ALCAM: variants seen among roughly 807,000 people sequenced by gnomAD.
ALCAM encodes activated leukocyte cell adhesion molecule.
In ALCAM, 30 loss-of-function variants were observed where a neutral mutation model predicts 70.9. The ratio of observed to expected loss-of-function variants is 0.42; its 90% confidence interval spans 0.32 to 0.57. The LOEUF is 0.57. ALCAM is among the 20% of genes least tolerant of loss of function. The probability of loss-of-function intolerance (pLI) is 0.11; values close to 1 mark genes in which losing one functional copy is unlikely to be tolerated. For synonymous variants in ALCAM, 249 were observed against 242.5 expected (o/e 1.03, Z -0.25); for missense variants, 591 against 695.1 (o/e 0.85, Z 1.68).
In ALCAM at chr3:105,522,730, A is replaced by T. The variant is rs564108851; in HGVS notation, c.175-1559A>T. 2.5e-4 allele frequency among the ~76,000 whole-genome samples: 38 copies of T among 152,310 alleles called. No homozygotes were observed. The South Asian group carries it at 7.9e-3, about 32-fold the overall frequency. On this transcript the variant is annotated intron_variant, in intron 2 of 15. Transcript: ENST00000306107. The stretch of plus-strand genomic sequence containing the variant: ...GCTCTGCTAAGATTTCCCAGCCAAG[A>T]CCTTGGAAAGTTACTTAACCAAACT...
intron 1 of ALCAM, among the ~76,000 whole-genome samples, chr3:105,514,404 T>C (rs1038048223): frequency 2.0e-5 from 3 of 151,896 alleles, no homozygotes; most frequent in Non-Finnish European, 2.9e-5. Context: ...CTGTGACGTA[T>C]CCAGCCCCAT....
chr3:105,511,142 T>G (rs1939224798), intron 1 of ALCAM, among the ~76,000 whole-genome samples: 1 of 152,020 alleles, frequency 6.6e-6, no homozygotes, highest in African/African-American at 2.4e-5. Flanking sequence ...TGAAAAGTTA[T>G]TGTTAAAATA....
At chr3:105,521,054 C>A (rs964529909) in intron 2 of ALCAM, among the ~76,000 whole-genome samples, 1 of 152,002 alleles carries the variant, frequency 6.6e-6, no homozygotes, top group African/African-American at 2.4e-5. Flanking sequence ...GTAATCCCAG[C>A]ACTTTGGGAG....
intron 11 of ALCAM, among the ~76,000 whole-genome samples, chr3:105,547,817 T>A (rs1940289768): frequency 6.6e-6 from 1 of 151,484 alleles, no homozygotes; most frequent in African/African-American, 2.4e-5. Context: ...TAGGTATTAC[T>A]TCATGATCAT....
intron 1 of ALCAM, among the ~76,000 whole-genome samples, chr3:105,378,338 A>G (rs1935428940): frequency 6.6e-6 from 1 of 152,016 alleles, no homozygotes; most frequent in African/African-American, 2.4e-5. Context: ...TAATGAGTAA[A>G]GCAGTTTCTG....
At chr3:105,376,272 T>C (rs1449190196) in intron 1 of ALCAM, among the ~76,000 whole-genome samples, 1 of 152,272 alleles carries the variant, frequency 6.6e-6, no homozygotes, top group South Asian at 2.1e-4. Context: ...CTGAAATAAA[T>C]GAAACCACAG....
At chr3:105,548,678 T>C (rs567562765) in intron 11 of ALCAM, among the ~76,000 whole-genome samples, 1 of 151,298 alleles carries the variant, frequency 6.6e-6, no homozygotes, top group Non-Finnish European at 1.5e-5. Flanking sequence ...ACTCCTGATT[T>C]GGTTAAGTGT....
At chr3:105,557,885 A>C (rs1057372152) in intron 14 of ALCAM, among the ~76,000 whole-genome samples, 9 of 152,182 alleles carry the variant, frequency 5.9e-5, no homozygotes, top group African/African-American at 2.2e-4. Flanking sequence ...GTAGAGTCTT[A>C]GAAATTCTAA....
intron 1 of ALCAM, among the ~76,000 whole-genome samples, chr3:105,409,976 C>A (rs1473307608): frequency 1.2e-4 from 18 of 152,044 alleles, no homozygotes; most frequent in Admixed American, 1.1e-3. Context: ...CAACTGATGA[C>A]CCCAGCGTTG....
chr3:105,511,907 T>C (rs1939249317), intron 1 of ALCAM, among the ~76,000 whole-genome samples: 1 of 151,948 alleles, frequency 6.6e-6, no homozygotes, highest in Admixed American at 6.6e-5. Flanking sequence ...TAATCCACTT[T>C]TTTATCCCTG....
intron 1 of ALCAM, among the ~76,000 whole-genome samples, chr3:105,417,223 C>CT (rs1376993520): frequency 6.6e-6 from 1 of 151,714 alleles, no homozygotes; most frequent in Admixed American, 6.6e-5. Context: ...AGTCTAGTGA[C>CT]TTTTTTCCAG....
chr3:105,561,015 T>C (rs1391312419), intron 14 of ALCAM, among the ~76,000 whole-genome samples: 3 of 152,196 alleles, frequency 2.0e-5, no homozygotes, highest in African/African-American at 7.2e-5. Context: ...TATTTGGTCT[T>C]CAAATCCATG....
intron 14 of ALCAM, among the ~76,000 whole-genome samples, chr3:105,557,965 GA>G (rs1253598503): frequency 6.6e-6 from 1 of 152,068 alleles, no homozygotes; most frequent in Admixed American, 6.6e-5. Context: ...CTTCAATCAA[GA>G]AATTGCTCAT....
At chr3:105,437,390 GT>G (rs1289828850) in intron 1 of ALCAM, among the ~76,000 whole-genome samples, 1 of 151,920 alleles carries the variant, frequency 6.6e-6, no homozygotes, top group South Asian at 2.1e-4. Context: ...ATCTTTAGCT[GT>G]TTTTTTATAA....
intron 7 of ALCAM, among the ~76,000 whole-genome samples, chr3:105,540,748 T>C (rs1205668150): frequency 1.3e-5 from 2 of 152,004 alleles, no homozygotes; most frequent in Non-Finnish European, 2.9e-5. Flanking sequence ...GACATCACTT[T>C]CACATTGAGG....
At chr3:105,488,556 C>A (rs1196073634) in intron 1 of ALCAM, among the ~76,000 whole-genome samples, 2 of 151,192 alleles carry the variant, frequency 1.3e-5, no homozygotes, top group East Asian at 3.9e-4. Context: ...ACAGCTTTTA[C>A]ACTAATGTGT....
intron 1 of ALCAM, among the ~76,000 whole-genome samples, chr3:105,514,857 A>G (rs931350216): frequency 4.1e-4 from 63 of 152,124 alleles, no homozygotes; most frequent in African/African-American, 1.5e-3. Flanking sequence ...TTGAATAAAC[A>G]TATCCCTACT....
chr3:105,571,551 G>A (rs1229095634), intron 14 of ALCAM, among the ~76,000 whole-genome samples: 1 of 152,174 alleles, frequency 6.6e-6, no homozygotes, highest in African/African-American at 2.4e-5. Context: ...TTACTTCCCA[G>A]AAAGTGGAGA....
At chr3:105,400,116 T>C (rs1339017191) in intron 1 of ALCAM, among the ~76,000 whole-genome samples, 1 of 152,138 alleles carries the variant, frequency 6.6e-6, no homozygotes, top group Non-Finnish European at 1.5e-5. Flanking sequence ...CGTTGTCCTG[T>C]TAAGGCTGAT....
Sources: allele counts gnomAD v4.1 joint callset (sites outside exome capture counted in the v4.1 genomes callset), GRCh38; gene constraint gnomAD v4.1.1; transcripts MANE v1.5; gene names NCBI Gene and HGNC (gene_info 2026-07-23, HGNC 2026-07-21).